UBP1: variants seen among roughly 807,000 people sequenced by gnomAD.
The protein encoded by UBP1 is upstream-binding protein 1.
In UBP1, 22 loss-of-function variants were observed where a neutral mutation model predicts 76.1. The observed-to-expected ratio is 0.29, with a 90% CI of 0.21 to 0.41. The LOEUF (loss-of-function observed/expected upper bound fraction) is 0.41. Among genes scored for constraint, UBP1 ranks in the 10% least tolerant of loss-of-function variants. The pLI, the probability that UBP1 is intolerant of heterozygous loss-of-function variation, is 1.00. For synonymous variants in UBP1, 224 were observed against 237.1 expected (o/e 0.94, Z 0.51); for missense variants, 436 against 668.1 (o/e 0.65, Z 3.83).
Position 33,407,004 on chromosome 3 carries a change from G to T in UBP1, c.927+1686C>A, listed in dbSNP as rs751642411. Among the ~76,000 whole-genome samples, 3 of 152,168 alleles carry T rather than the reference G, an allele frequency of 2.0e-5. 1 individual carries two copies. The highest frequency in any genetic ancestry group is 2.0e-4 in the Admixed American group (3 of 15,274). ...TATCCCTTTTTACTGAAAGCCAATT[G>T]TAACTAGCCAAAAACTCTATGAAAT... is the stretch of plus-strand genomic sequence containing the variant. On this transcript the variant is annotated intron_variant, in intron 8 of 15. Transcript: ENST00000283629.
At chr3:33,396,319 A>C in intron 12 of UBP1, 39 bp from the exon 13 acceptor site, 1 of 1,483,694 alleles carries the variant, frequency 6.7e-7, no homozygotes, top group Non-Finnish European at 9.3e-7. Context: ...CTGGGAGAGA[A>C]AGCTGCCTTA....
intron 11 of UBP1, chr3:33,398,069 G>C (rs553501687): frequency 6.6e-6 from 1 of 152,156 alleles, no homozygotes; most frequent in East Asian, 1.9e-4. Flanking sequence ...GGTAGGAGAT[G>C]GCTGCATGGG....
intron 8 of UBP1, chr3:33,403,584 GTCTA>G (rs71070138): frequency 1.3e-5 from 2 of 148,994 alleles, no homozygotes; most frequent in African/African-American, 5.0e-5. Flanking sequence ...CTGTCTGTCT[GTCTA>G]TCTATCTATC....
chr3:33,400,902 CA>C (rs1248189469), intron 10 of UBP1, 59 bp downstream of exon 10: 51 of 1,536,578 alleles, frequency 3.3e-5, no homozygotes, highest in Non-Finnish European at 4.4e-5. Flanking sequence ...GCACAAAAAC[CA>C]AAACTTTAAA....
chr3:33,420,488 CTTT>C (rs749437546), intron 2 of UBP1, among the ~76,000 whole-genome samples: 2 of 120,610 alleles, frequency 1.7e-5, no homozygotes, highest in South Asian at 2.7e-4. Flanking sequence ...ACCATACTGG[CTTT>C]TTTTTTTTTT....
chr3:33,394,937 A>G (rs542112072), intron 13 of UBP1, among the ~76,000 whole-genome samples: 185 of 151,424 alleles, frequency 1.2e-3, no homozygotes, highest in African/African-American at 4.5e-3. Context: ...GACCCTATGT[A>G]TGATCTAAAG....
At chr3:33,431,867 TGAGTAGGG>T (rs1447564425) in intron 1 of UBP1, among the ~76,000 whole-genome samples, 1 of 151,782 alleles carries the variant, frequency 6.6e-6, no homozygotes, top group Non-Finnish European at 1.5e-5. Context: ...GCTTTCTAGA[TGAGTAGGG>T]GAGGAAATGG....
In UBP1 at chr3:33,440,087, A is replaced by G; in HGVS notation, c.-239T>C. The G allele has an allele frequency of 2.3e-6, 1 of 431,662 alleles. No homozygotes were observed. The highest frequency in any genetic ancestry group is 4.0e-6 in the Non-Finnish European group (1 of 247,512). 26.7% of individuals were successfully genotyped at this position (431,662 alleles called of 1,614,324 possible). On this transcript the variant is annotated 5_prime_UTR_variant, in exon 1 of 16. Transcript: ENST00000283629. Reference sequence around the variant, plus strand: ...CCGGCAGCGCCACCCTCCCGCGGACACCGGCCCTGCGCCTCATGCCGGCGC... The same window carrying G: ...CCGGCAGCGCCACCCTCCCGCGGACGCCGGCCCTGCGCCTCATGCCGGCGC...
chr3:33,407,100 C>T (rs995641056), intron 8 of UBP1, among the ~76,000 whole-genome samples: 1 of 152,178 alleles, frequency 6.6e-6, no homozygotes, highest in African/African-American at 2.4e-5. Flanking sequence ...AAGTGACAAT[C>T]TGTACCCTGC....
At chr3:33,410,543 C>T (rs2044553849) in intron 5 of UBP1, among the ~76,000 whole-genome samples, 1 of 152,144 alleles carries the variant, frequency 6.6e-6, no homozygotes, top group African/African-American at 2.4e-5. Context: ...TGATTTTTTA[C>T]AGTTCATGCA....
chr3:33,412,884 A>T, intron 3 of UBP1, 57 bp from the exon 4 acceptor site: 1 of 1,091,704 alleles, frequency 9.2e-7, no homozygotes, highest in Non-Finnish European at 1.4e-6. Context: ...AAAATGCAGG[A>T]CCATTTCTAC....
intron 1 of UBP1, among the ~76,000 whole-genome samples, chr3:33,435,796 T>A (rs1347856901): frequency 6.6e-6 from 1 of 152,144 alleles, no homozygotes; most frequent in Admixed American, 6.5e-5. Context: ...CTGCCCAACA[T>A]CACAAGAGAG....
rs527672753 is a variant in UBP1, at chr3:33,395,006, T to C, written c.1390+1156A>G. On this transcript the variant is annotated intron_variant, in intron 13 of 15. Transcript: ENST00000283629. Reference sequence around the variant, plus strand: ...AAAAAGTTTGCTGATTATGGGAAAATATCCAATATTTCCCCATATCCCTCC... The same window carrying C: ...AAAAAGTTTGCTGATTATGGGAAAACATCCAATATTTCCCCATATCCCTCC... 2.0e-5 allele frequency among the ~76,000 whole-genome samples: 3 copies of C among 152,220 alleles called. 1 individual carries two copies. In the South Asian group the frequency reaches 6.2e-4, roughly 32 times the overall value.
At chr3:33,414,078 AGGTTG>A (rs1339780565) in intron 3 of UBP1, 3 of 142,590 alleles carry the variant, frequency 2.1e-5, no homozygotes, top group Non-Finnish European at 4.5e-5. Flanking sequence ...CCATTCTAGA[AGGTTG>A]GACTAAAATA....
At chr3:33,397,008 A>C in intron 12 of UBP1, 37 bp downstream of exon 12, 1 of 1,560,010 alleles carries the variant, frequency 6.4e-7, no homozygotes, top group Admixed American at 1.8e-5. Flanking sequence ...AGAAAGGTAC[A>C]TTCTTATTTC....
chr3:33,407,491 G>A (rs1242035246), intron 8 of UBP1, among the ~76,000 whole-genome samples: 8 of 151,738 alleles, frequency 5.3e-5, no homozygotes, highest in African/African-American at 1.7e-4. Context: ...TTGCTGGGGC[G>A]GGTGTTTTAG....
At chr3:33,408,876 C>A in intron 7 of UBP1, 79 bp from the exon 8 acceptor site, 1 of 1,252,256 alleles carries the variant, frequency 8.0e-7, no homozygotes, top group South Asian at 1.3e-5. Flanking sequence ...CATGTCTCTT[C>A]AGTCCAATTA....
chr3:33,434,866 T>A (rs1434601312), intron 1 of UBP1, among the ~76,000 whole-genome samples: 1 of 151,432 alleles, frequency 6.6e-6, no homozygotes, highest in East Asian at 1.9e-4. Context: ...TTCGTATTTT[T>A]AGTAGAGACG....
intron 2 of UBP1, among the ~76,000 whole-genome samples, chr3:33,418,528 G>T (rs992392515): frequency 6.6e-6 from 1 of 151,798 alleles, no homozygotes; most frequent in Admixed American, 6.5e-5. Flanking sequence ...CAAAATGCTG[G>T]GATTACAGGC....
Sources: gnomAD v4.1 joint callset for allele counts (sites outside exome capture counted in the v4.1 genomes callset) on GRCh38, gnomAD v4.1.1 for gene constraint, MANE v1.5 for transcripts, NCBI Gene and HGNC (gene_info 2026-07-23, HGNC 2026-07-21) for gene names.